SMYD1: variants seen among roughly 807,000 people sequenced by gnomAD.
SMYD1 encodes histone-lysine N-methyltransferase SMYD1.
A neutral mutation model predicts 54.0 loss-of-function variants in SMYD1; 49 were observed. The observed-to-expected ratio is 0.91, with a 90% confidence interval of 0.72 to 1.15. SMYD1 has a LOEUF of 1.15. SMYD1 is among the 50% of genes most tolerant of loss of function. SMYD1 has a pLI of 0.00. For missense variants in SMYD1, 653 were observed against 639.6 expected, an observed-to-expected ratio of 1.02 and a Z score of -0.23; for synonymous variants, 269 against 234.2, an observed-to-expected ratio of 1.15 and a Z score of -1.36.
At chr2:88,098,206 T>C (rs2104004693) in intron 6 of SMYD1, among the ~76,000 whole-genome samples, 1 of 152,322 alleles carries the variant, frequency 6.6e-6, no homozygotes, top group Admixed American at 6.5e-5. Flanking sequence ...CCACACTGCT[T>C]AATTTATTTA....
chr2:88,084,855 A>G (rs1674286405), intron 2 of SMYD1, among the ~76,000 whole-genome samples: 1 of 152,068 alleles, frequency 6.6e-6, no homozygotes, highest in Admixed American at 6.5e-5. Context: ...GGCTCAAGTG[A>G]TCCTCCCACT....
chr2:88,089,533 C>A (rs1674414641), intron 3 of SMYD1, among the ~76,000 whole-genome samples: 2 of 151,216 alleles, frequency 1.3e-5, no homozygotes. Flanking sequence ...CAGCTTGTGC[C>A]CAGGGAAAGT....
chr2:88,081,480 A>G lies in SMYD1; in HGVS notation c.138-2836A>G, dbSNP rs184992016. On this transcript the variant is annotated intron_variant, in intron 1 of 9. Coordinates refer to ENST00000419482, the MANE Select transcript of SMYD1 (RefSeq NM_198274.4). Reference sequence around the variant, plus strand: ...GAGACAGAGTCTTGATCTGTCACCCAGGCTGGATTGCTGTGGCACGATCTT... The same window carrying G: ...GAGACAGAGTCTTGATCTGTCACCCGGGCTGGATTGCTGTGGCACGATCTT... 3.4e-5 allele frequency among the ~76,000 whole-genome samples: 5 copies of G among 149,066 alleles called. No homozygotes were observed. The Admixed American group carries it at 3.4e-4, about 10-fold the overall frequency.
At chr2:88,106,282 C>T (rs1334691211) in intron 7 of SMYD1, 43 bp from the exon 8 acceptor site, 2 of 1,604,306 alleles carry the variant, frequency 1.2e-6, no homozygotes, top group African/African-American at 1.3e-5. Flanking sequence ...TAAACGTGTG[C>T]TCTGGTGCAA....
chr2:88,107,075 C>G (rs1674894210), intron 8 of SMYD1, among the ~76,000 whole-genome samples: 1 of 152,050 alleles, frequency 6.6e-6, no homozygotes, highest in African/African-American at 2.4e-5. Context: ...GTGGAGGGCA[C>G]CTGTAGTCCC....
intron 8 of SMYD1, 40 bp from the exon 9 acceptor site, chr2:88,108,331 T>C (rs1296977364): frequency 6.7e-7 from 1 of 1,496,878 alleles, no homozygotes. Context: ...GATATAAGGG[T>C]GATTGGTATG....
chr2:88,085,480 G>C (rs752257689), intron 2 of SMYD1, among the ~76,000 whole-genome samples: 3 of 152,192 alleles, frequency 2.0e-5, no homozygotes, highest in Non-Finnish European at 4.4e-5. Flanking sequence ...TTCACTGTGT[G>C]CATAGTGTGT....
At chr2:88,098,236 C>T (rs1005950729) in intron 6 of SMYD1, among the ~76,000 whole-genome samples, 25 of 152,180 alleles carry the variant, frequency 1.6e-4, no homozygotes, top group African/African-American at 6.0e-4. Context: ...AGAGGCCAGA[C>T]CCTCTTTTCT....
chr2:88,088,263 G>A (rs1025573640), intron 3 of SMYD1, among the ~76,000 whole-genome samples, 188 bp downstream of exon 3: 59 of 152,106 alleles, frequency 3.9e-4, no homozygotes, highest in African/African-American at 1.0e-3. Context: ...TGGAGAAACC[G>A]CCTTCTATTT....
In SMYD1 at chr2:88,087,999, T is replaced by C. The variant is rs201606860; in HGVS notation, c.452T>C (p.Val151Ala). ...EEEQKDLRVD[V>A]DTFLQYWPPQ... ...GAGCAGAAGGACCTGCGGGTGGACG[T>C]GGACACATTCTTGCAGTACTGGCCG... The change falls in exon 3 of 10, where the codon GTG (valine) becomes GCG (alanine). Residue 151 changes from valine to alanine, a missense_variant. Physicochemically the swap from Val to Ala is moderately conservative, Grantham distance 64. Coordinates refer to ENST00000419482, the MANE Select transcript of SMYD1 (RefSeq NM_198274.4). 12 of 1,614,058 alleles carry C rather than the reference T, an allele frequency of 7.4e-6. No homozygotes were observed. The highest frequency in any genetic ancestry group is 1.6e-4 in the Middle Eastern group (1 of 6,082).
intron 1 of SMYD1, among the ~76,000 whole-genome samples, chr2:88,078,892 G>A (rs541389207): frequency 1.3e-5 from 2 of 152,338 alleles, no homozygotes; most frequent in East Asian, 1.9e-4. Context: ...ATTTAAGAAC[G>A]ATAACTTAAT....
intron 1 of SMYD1, among the ~76,000 whole-genome samples, chr2:88,070,942 C>CAAAAAAAAAAAAAAAAAAAAAAAAA (rs61024525): frequency 1.7e-5 from 1 of 60,128 alleles, no homozygotes; most frequent in Non-Finnish European, 3.1e-5. Context: ...GACTATTTCT[C>CAAAAAAAAAAAAAAAAAAAAAAAAA]AAAAAAAAAA....
chr2:88,080,012 T>C (rs1301347381), intron 1 of SMYD1, among the ~76,000 whole-genome samples: 1 of 152,210 alleles, frequency 6.6e-6, no homozygotes, highest in African/African-American at 2.4e-5. Context: ...TTAATAAACA[T>C]TGTATTCTGC....
Position 88,096,625 on chromosome 2 carries a change from A to G in SMYD1, c.729A>G (p.Ser243=), listed in dbSNP as rs760234138. ...AGCTCCGGGCCCTAGGCAAGATCTC[A>G]GAAGGAGAGGAGCTGACTGTGTCCT... ...RIELRALGKI[S]EGEELTVSYI... Residue 243 remains serine (S), a synonymous_variant, in exon 6 of 10, where the codon TCA becomes TCG. Coordinates refer to ENST00000419482, the MANE Select transcript of SMYD1 (RefSeq NM_198274.4). The G allele has an allele frequency of 2.5e-6, 4 of 1,613,420 alleles. No individual in the cohort carries two copies. Among genetic ancestry groups the G allele is most frequent in the Non-Finnish European group, 3.4e-6 (4 of 1,179,764 alleles).
At position 88,111,971 on chromosome 2, in the gene SMYD1, C is replaced by A; in HGVS notation, c.*1459C>A. The A allele has an allele frequency of 1.5e-6, 1 of 683,112 alleles. No homozygotes were observed. The allele number at this position is 683,112 out of a possible 1,614,324, so 42.3% of individuals were successfully genotyped here. ...GCCTAAATGTTAGCTTCTCCATCCT[C>A]ACCACATGATGACCTGCTGTGTCCC... On this transcript the variant is annotated 3_prime_UTR_variant, in exon 10 of 10. Coordinates refer to ENST00000419482, the MANE Select transcript of SMYD1 (RefSeq NM_198274.4).
intron 3 of SMYD1, among the ~76,000 whole-genome samples, chr2:88,089,092 G>T (rs989714847): frequency 6.6e-6 from 1 of 152,228 alleles, no homozygotes; most frequent in African/African-American, 2.4e-5. Flanking sequence ...GGCTTGGTAA[G>T]TCCAAAATCT....
chr2:88,091,038 T>C lies in SMYD1; in HGVS notation c.555T>C (p.Ser185=), dbSNP rs1674449042. ...GVINCNGFTL[S]DQRGLQAVGV... The stretch of plus-strand genomic sequence containing the variant: ...TTAACTGCAACGGTTTTACTCTCAG[T>C]GATCAGAGAGGCCTGCAGGCCGTGG... The change falls in exon 4 of 10, where the codon AGT becomes AGC. Residue 185 remains serine (S), a synonymous_variant. Transcript: ENST00000419482. 1 of 1,614,046 alleles carries C rather than the reference T, an allele frequency of 6.2e-7. No individual in the cohort carries two copies.
At chr2:88,068,597 C>T (rs1168731818) in intron 1 of SMYD1, among the ~76,000 whole-genome samples, 2 of 148,460 alleles carry the variant, frequency 1.3e-5, no homozygotes, top group South Asian at 2.1e-4. Flanking sequence ...AGATGGATGG[C>T]TGTAGTCTGT....
chr2:88,085,474 C>T (rs1674303705), intron 2 of SMYD1, among the ~76,000 whole-genome samples: 1 of 152,204 alleles, frequency 6.6e-6, no homozygotes, highest in Non-Finnish European at 1.5e-5. Flanking sequence ...AGCATTTTCA[C>T]TGTGTGCATA....
Sources: allele counts gnomAD v4.1 joint callset (sites outside exome capture counted in the v4.1 genomes callset), GRCh38; gene constraint gnomAD v4.1.1; transcripts MANE v1.5; gene names NCBI Gene and HGNC (gene_info 2026-07-23, HGNC 2026-07-21).